Variants in ANKS1A observed in about 807,000 individuals in gnomAD.
ANKS1A encodes the protein ankyrin repeat and sterile alpha motif domain containing 1A, also known as ankyrin repeat and SAM domain-containing protein 1A.
A neutral mutation model predicts 120.3 loss-of-function variants in ANKS1A; 55 were observed. The ratio of observed to expected loss-of-function variants is 0.46; its 90% confidence interval spans 0.37 to 0.57. The LOEUF is 0.57. ANKS1A is among the 20% of genes least tolerant of loss of function. The pLI, the probability that ANKS1A is intolerant of heterozygous loss-of-function variation, is 0.00. For missense variants in ANKS1A, 1,123 were observed against 1,480.3 expected (o/e 0.76, Z 3.96); for synonymous variants, 590 against 604.7 (o/e 0.98, Z 0.36).
chr6:35,005,805 C>T (rs1381279694), intron 10 of ANKS1A: 1 of 432,932 alleles, frequency 2.3e-6, no homozygotes, highest in East Asian at 7.5e-5. Flanking sequence ...GTAATCCCAG[C>T]ACTTTGGGAC....
intron 13 of ANKS1A, among the ~76,000 whole-genome samples, chr6:35,075,421 T>C (rs1321850657): frequency 6.7e-6 from 1 of 149,930 alleles, no homozygotes; most frequent in African/African-American, 2.4e-5. Flanking sequence ...TTTTCTTTTT[T>C]TTTTTTTTTT....
intron 11 of ANKS1A, among the ~76,000 whole-genome samples, chr6:35,041,857 C>T (rs1775475962): frequency 6.6e-6 from 1 of 152,202 alleles, no homozygotes; most frequent in South Asian, 2.1e-4. Flanking sequence ...ACTTCGGTTC[C>T]AGAACCTATT....
rs1213337244 is a variant in ANKS1A at position 35,082,829 on chromosome 6, C to T, written c.2835+13C>T. The stretch of plus-strand genomic sequence containing the variant: ...TTATGAAGCCAATGTGAGTTGCTCC[C>T]ACCCTCCCAGCAGGGCCGGCCTCCC... On this transcript the variant is annotated intron_variant, in intron 18 of 23. Transcript: ENST00000360359. This position sits in a 1 kb window ranked among gnomAD's most constrained non-coding sequence, Gnocchi z 4.1. 6.2e-7 allele frequency: 1 copy of T among 1,607,694 alleles called. No homozygotes were observed. Among genetic ancestry groups the T allele is most frequent in the Non-Finnish European group, 8.5e-7 (1 of 1,176,820 alleles).
chr6:35,069,379 C>T (rs1217590182), intron 13 of ANKS1A, among the ~76,000 whole-genome samples: 3 of 152,002 alleles, frequency 2.0e-5, no homozygotes. Flanking sequence ...CTCTCAGCTC[C>T]AGCCACAGTC....
intron 3 of ANKS1A, among the ~76,000 whole-genome samples, chr6:34,977,102 G>A (rs1279052355): frequency 6.6e-6 from 1 of 152,128 alleles, no homozygotes; most frequent in Non-Finnish European, 1.5e-5. Context: ...TTAATAATAT[G>A]GAACAGTTCC....
chr6:34,947,506 C>T (rs143944503), intron 1 of ANKS1A, among the ~76,000 whole-genome samples: 178 of 152,216 alleles, frequency 1.2e-3, no homozygotes, highest in African/African-American at 4.1e-3. Context: ...ATCTATTAGA[C>T]TCATTAAAGA....
chr6:35,091,912 C>T (rs1778320425), downstream of ANKS1A, among the ~76,000 whole-genome samples: 1 of 152,208 alleles, frequency 6.6e-6, no homozygotes, highest in Admixed American at 6.5e-5. Flanking sequence ...TCCCAGAGGG[C>T]TGGTGGCAGG....
chr6:35,016,212 G>A (rs1376582565), intron 10 of ANKS1A, among the ~76,000 whole-genome samples: 2 of 152,182 alleles, frequency 1.3e-5, no homozygotes, highest in Non-Finnish European at 2.9e-5. Flanking sequence ...CAGGCTTCTA[G>A]GTTGAAGTCT....
At position 35,089,712 on chromosome 6, in the gene ANKS1A, T is replaced by G. The variant is rs192934123; in HGVS notation, c.*1103T>G. ...GCTGGCATCCCGGTGCGCCTCTGCT[T>G]CTTAAGCTTTCCTGCTGCTCGCTTT... On this transcript the variant is annotated 3_prime_UTR_variant, in exon 24 of 24. Transcript: ENST00000360359. 2.0e-4 allele frequency: 197 copies of G among 995,752 alleles called. No homozygotes were observed. The highest frequency in any genetic ancestry group is 1.7e-3 in the Admixed American group (30 of 17,304). The allele number at this position is 995,752 out of a possible 1,614,324, so 61.7% of individuals were successfully genotyped here. A position where few individuals can be genotyped will look rare whatever the true frequency, so the allele number is the denominator to read the frequency against.
chr6:34,934,433 C>T (rs1769147063), intron 1 of ANKS1A, among the ~76,000 whole-genome samples: 2 of 152,342 alleles, frequency 1.3e-5, no homozygotes, highest in South Asian at 4.1e-4. Flanking sequence ...CAGGCGTGAG[C>T]CACCACGCCC....
chr6:34,998,357 G>GC (rs397706477), intron 10 of ANKS1A, among the ~76,000 whole-genome samples: 1 of 151,380 alleles, frequency 6.6e-6, no homozygotes, highest in Admixed American at 6.6e-5. Context: ...ATGTGTGAGG[G>GC]TGGTGAGGGA....
intron 13 of ANKS1A, among the ~76,000 whole-genome samples, chr6:35,077,555 C>T (rs1223945212): frequency 1.3e-5 from 2 of 152,198 alleles, no homozygotes; most frequent in African/African-American, 2.4e-5. Flanking sequence ...GCGAGGGCCT[C>T]CATGGCTGAG....
downstream of ANKS1A, among the ~76,000 whole-genome samples, chr6:35,093,213 T>G (rs923185702): frequency 6.6e-6 from 1 of 152,136 alleles, no homozygotes; most frequent in Non-Finnish European, 1.5e-5. Context: ...TATAAACAAC[T>G]ATTTACCAAA....
Position 34,983,284 on chromosome 6 carries a change from GC to G in ANKS1A, c.911-39del, listed in dbSNP as rs143407701. On this transcript the variant is annotated intron_variant, in intron 6 of 23. Transcript: ENST00000360359. Reference sequence around the variant, plus strand: ...TTGAACCAAGGCATTTGTATTTGGTGCAGCACTTTTTATTTTTATTTTTTGA... The same window carrying G: ...TTGAACCAAGGCATTTGTATTTGGTGAGCACTTTTTATTTTTATTTTTTGA... 6.9e-4 allele frequency: 1,109 copies of G among 1,610,950 alleles called. 9 individuals carry two copies. In the African/African-American group the frequency reaches 0.013, roughly 19 times the overall value.
chr6:34,937,006 A>G (rs1477164845), intron 1 of ANKS1A, among the ~76,000 whole-genome samples: 3 of 152,228 alleles, frequency 2.0e-5, no homozygotes, highest in Non-Finnish European at 4.4e-5. Flanking sequence ...AAAGATACAT[A>G]CATGTTACAT....
chr6:34,903,853 C>T (rs893670242), intron 1 of ANKS1A, among the ~76,000 whole-genome samples: 2 of 151,822 alleles, frequency 1.3e-5, no homozygotes, highest in African/African-American at 4.8e-5. Context: ...GAGGTGGGGT[C>T]TTGCTTTGTT....
rs1183820537 is a variant in ANKS1A at position 34,985,212 on chromosome 6, A to G, written c.1143A>G (p.Ser381=). The G allele has an allele frequency of 6.2e-7, 1 of 1,614,192 alleles. No individual in the cohort carries two copies. Among genetic ancestry groups the G allele is most frequent in the Non-Finnish European group, 8.5e-7 (1 of 1,180,032 alleles). ...TGGACAGCATGGCCAGCGGGCGATC[A>G]TCTGACCAAGACTCCACGAACAAGG... ...HSLDSMASGR[S]SDQDSTNKEA... Residue 381 remains serine (S), a synonymous_variant, in exon 8 of 24, where the codon TCA becomes TCG. Coordinates refer to ENST00000360359, the MANE Select transcript of ANKS1A (RefSeq NM_015245.3).
chr6:35,086,410 A>G lies in ANKS1A; in HGVS notation c.3303+474A>G. The G allele has an allele frequency of 7.9e-7, 1 of 1,261,420 alleles. No homozygotes were observed. The highest frequency in any genetic ancestry group is 1.5e-5 in the African/African-American group (1 of 65,192). The allele number at this position is 1,261,420 out of a possible 1,614,324, so 78.1% of individuals were successfully genotyped here. A position where few individuals can be genotyped will look rare whatever the true frequency, so the allele number is the denominator to read the frequency against. ...CTGTCTTGTGTGTCAGTCTCCCCGAAGTGACCGTGAGCGCTCTTAGCCTCT... is the reference window on the plus strand; with the variant it reads ...CTGTCTTGTGTGTCAGTCTCCCCGAGGTGACCGTGAGCGCTCTTAGCCTCT... On this transcript the variant is annotated intron_variant, in intron 22 of 23. Coordinates refer to ENST00000360359, the MANE Select transcript of ANKS1A (RefSeq NM_015245.3). The surrounding 1 kb of genome is among the most constrained non-coding windows in gnomAD (Gnocchi z 5.1).
Position 35,082,307 on chromosome 6 carries a change from G to A in ANKS1A, c.2710-384G>A, listed in dbSNP as rs1255790958. On this transcript the variant is annotated intron_variant, in intron 17 of 23. Coordinates refer to ENST00000360359, the MANE Select transcript of ANKS1A (RefSeq NM_015245.3). This position sits in a 1 kb window ranked among gnomAD's most constrained non-coding sequence, Gnocchi z 4.1. ...CAGGCCCTGGGCTGGGTCCCAAGGC[G>A]TCCCAGGGTCTCGTGGGCGCTGTTC... 6.6e-5 allele frequency among the ~76,000 whole-genome samples: 10 copies of A among 151,984 alleles called. No homozygotes were observed. Among genetic ancestry groups the A allele is most frequent in the African/African-American group, 2.2e-4 (9 of 41,388 alleles).
Sources: allele counts gnomAD v4.1 joint callset (sites outside exome capture counted in the v4.1 genomes callset), GRCh38; gene constraint gnomAD v4.1.1; non-coding constraint Gnocchi (gnomAD v3.1); transcripts MANE v1.5; gene names NCBI Gene and HGNC (gene_info 2026-07-23, HGNC 2026-07-21).